SPARCL1: variants seen among roughly 807,000 people sequenced by gnomAD.
SPARCL1 encodes the protein SPARC-like protein 1.
SPARCL1 carries 52 observed loss-of-function variants against 67.1 expected under a neutral mutation model. The observed-to-expected ratio is 0.78, with a 90% CI of 0.62 to 0.98. SPARCL1 has a LOEUF of 0.98. Ranked by LOEUF, SPARCL1 falls within the 50% of genes least tolerant of loss-of-function variation. The pLI, the probability that SPARCL1 is intolerant of heterozygous loss-of-function variation, is 0.00. For missense variants in SPARCL1, 717 were observed against 782.4 expected (o/e 0.92, Z 1.00); for synonymous variants, 226 against 267.8 (o/e 0.84, Z 1.52).
At chr4:87,516,385 T>C (rs921375212) in intron 1 of SPARCL1, among the ~76,000 whole-genome samples, 3 of 148,304 alleles carry the variant, frequency 2.0e-5, no homozygotes, top group Admixed American at 6.6e-5. Flanking sequence ...TTGTGTGGAA[T>C]AGCACTCAAA....
In SPARCL1 at chr4:87,479,514, T is replaced by C. The variant is rs151251968; in HGVS notation, c.1882A>G (p.Thr628Ala). Residue 628 changes from threonine (T) to alanine (A), a missense_variant, in exon 10 of 11, where the codon ACC becomes GCC. Transcript: ENST00000282470. Reference sequence around the variant, plus strand: ...GGGTCACACTCCTCAAAGAAACGGGTTATGCAGTGTTCCATGGGCACCAGA... The same window carrying C: ...GGGTCACACTCCTCAAAGAAACGGGCTATGCAGTGTTCCATGGGCACCAGA... ...ASLVPMEHCI[T>A]RFFEECDPNK... The C allele has an allele frequency of 2.3e-4, 365 of 1,614,066 alleles. 1 individual carries two copies. The Middle Eastern group carries it at 2.6e-3, about 12-fold the overall frequency.
chr4:87,501,739 T>G (rs551230919), intron 1 of SPARCL1, among the ~76,000 whole-genome samples: 1 of 152,284 alleles, frequency 6.6e-6, no homozygotes, highest in Non-Finnish European at 1.5e-5. Flanking sequence ...ATTAGGCCCT[T>G]TGAATTTGGA....
intron 1 of SPARCL1, among the ~76,000 whole-genome samples, chr4:87,504,405 C>A (rs577907634): frequency 6.6e-6 from 1 of 151,982 alleles, no homozygotes; most frequent in Non-Finnish European, 1.5e-5. Context: ...TTATTTAGAA[C>A]GGGTAATGGC....
intron 1 of SPARCL1, among the ~76,000 whole-genome samples, chr4:87,507,532 T>C (rs1020412841): frequency 3.3e-5 from 5 of 152,020 alleles, no homozygotes; most frequent in Non-Finnish European, 5.9e-5. Context: ...CTCTTAAGAG[T>C]TTCTGGGTGT....
chr4:87,503,876 C>T (rs1034254314), intron 1 of SPARCL1, among the ~76,000 whole-genome samples: 47 of 151,364 alleles, frequency 3.1e-4, no homozygotes, highest in African/African-American at 1.1e-3. Flanking sequence ...ACAGGGGTTT[C>T]GCCATGTTGC....
At position 87,480,502 on chromosome 4, in the gene SPARCL1, C is replaced by G; in HGVS notation, c.1687G>C (p.Asp563His). The G allele has an allele frequency of 6.2e-7, 1 of 1,609,522 alleles. No individual in the cohort carries two copies. The part of the protein sequence containing the change: ...QRNKVKKIYL[D>H]EKRLLAGDHP... Reference sequence around the variant, plus strand: ...TCCCCAGCCAAAAGCCTCTTTTCATCCAGGTAAATTTTCTTGACCTGGGAT... The same window carrying G: ...TCCCCAGCCAAAAGCCTCTTTTCATGCAGGTAAATTTTCTTGACCTGGGAT... The change falls in exon 9 of 11, where the codon GAT becomes CAT. Residue 563 changes from aspartate (D) to histidine (H), a missense_variant. Physicochemically the swap from Asp to His is moderately conservative, Grantham distance 81. Transcript: ENST00000282470.
At chr4:87,508,475 C>A (rs1396922106) in intron 1 of SPARCL1, among the ~76,000 whole-genome samples, 1 of 151,908 alleles carries the variant, frequency 6.6e-6, no homozygotes, top group Non-Finnish European at 1.5e-5. Flanking sequence ...GCTGAGATTA[C>A]AGACATGGAT....
intron 1 of SPARCL1, among the ~76,000 whole-genome samples, chr4:87,510,396 A>G (rs4693825): frequency 2.2e-4 from 34 of 151,930 alleles, no homozygotes; most frequent in African/African-American, 8.0e-4. Context: ...CCGATTGGTT[A>G]TTTCTGAATA....
chr4:87,495,041 A>G lies in SPARCL1; in HGVS notation c.141T>C (p.Ala47=), dbSNP rs758061316. ...TTTCTTTTTCATTTTCTTCAGCTTCAGCCCTTAAACTGGGGATTGCAGTGT... is the reference window on the plus strand; with the variant it reads ...TTTCTTTTTCATTTTCTTCAGCTTCGGCCCTTAAACTGGGGATTGCAGTGT... The part of the protein sequence containing the change: ...PDNTAIPSLR[A]EAEENEKETA... Residue 47 remains alanine (A), a synonymous_variant, in exon 3 of 11, where the codon GCT becomes GCC. Transcript: ENST00000282470. The G allele has an allele frequency of 6.2e-7, 1 of 1,613,136 alleles. No individual in the cohort carries two copies. The highest frequency in any genetic ancestry group is 2.2e-5 in the East Asian group (1 of 44,820).
At chr4:87,501,932 G>A (rs1193099127) in intron 1 of SPARCL1, among the ~76,000 whole-genome samples, 2 of 150,916 alleles carry the variant, frequency 1.3e-5, no homozygotes, top group East Asian at 3.9e-4. Context: ...ATCATTCTGG[G>A]AAACTTTCTC....
At chr4:87,474,264 T>A (rs1205589865) in intron 10 of SPARCL1, among the ~76,000 whole-genome samples, 4 of 152,192 alleles carry the variant, frequency 2.6e-5, no homozygotes, top group Admixed American at 2.6e-4. Flanking sequence ...CAGCATCCTC[T>A]AGCAAATATA....
chr4:87,478,010 C>T (rs903219317), intron 10 of SPARCL1, among the ~76,000 whole-genome samples: 2 of 152,202 alleles, frequency 1.3e-5, no homozygotes, highest in Non-Finnish European at 2.9e-5. Context: ...ATACTTTCAC[C>T]TCTTCCTCTC....
At chr4:87,474,934 G>A (rs1723522791) in intron 10 of SPARCL1, among the ~76,000 whole-genome samples, 1 of 151,768 alleles carries the variant, frequency 6.6e-6, no homozygotes, top group South Asian at 2.1e-4. Flanking sequence ...AGTAGAGACG[G>A]GGTTTCACCG....
intron 10 of SPARCL1, among the ~76,000 whole-genome samples, chr4:87,476,824 A>C (rs1311900029): frequency 6.6e-6 from 1 of 152,210 alleles, no homozygotes; most frequent in Non-Finnish European, 1.5e-5. Context: ...CGTCTATCAC[A>C]GGCAGTTAAA....
intron 10 of SPARCL1, among the ~76,000 whole-genome samples, chr4:87,477,703 C>G (rs1034057060): frequency 6.6e-5 from 10 of 152,148 alleles, no homozygotes; most frequent in African/African-American, 2.4e-4. Context: ...TAGCTGCAGT[C>G]AAGCCATCAG....
intron 1 of SPARCL1, among the ~76,000 whole-genome samples, chr4:87,520,246 C>CA (rs71667860): frequency 0.18 from 19,001 of 105,164 alleles, 1,973 homozygotes; most frequent in Admixed American, 0.24. Flanking sequence ...GACACTGTCT[C>CA]AAAAAAAAAA....
chr4:87,504,930 A>T (rs1353025668), intron 1 of SPARCL1: 1 of 152,252 alleles, frequency 6.6e-6, no homozygotes, highest in African/African-American at 2.4e-5. Flanking sequence ...TGGCCTAAAC[A>T]AGGCAAAAAG....
At chr4:87,491,952 C>A (rs1304398557) in intron 4 of SPARCL1, among the ~76,000 whole-genome samples, 5 of 99,386 alleles carry the variant, frequency 5.0e-5, no homozygotes, top group South Asian at 2.9e-4. Flanking sequence ...CCACCCCCCC[C>A]CCCAAAAAAA....
At chr4:87,476,574 A>G (rs1322440442) in intron 10 of SPARCL1, among the ~76,000 whole-genome samples, 1 of 152,186 alleles carries the variant, frequency 6.6e-6, no homozygotes, top group Admixed American at 6.5e-5. Flanking sequence ...TAAATGGCTT[A>G]GGGGAACTTG....
Sources: allele counts gnomAD v4.1 joint callset (sites outside exome capture counted in the v4.1 genomes callset), GRCh38; gene constraint gnomAD v4.1.1; transcripts MANE v1.5; gene names NCBI Gene and HGNC (gene_info 2026-07-23, HGNC 2026-07-21).